SYT1: variants seen among roughly 807,000 people sequenced by gnomAD.
SYT1 encodes the protein synaptotagmin-1.
Under a neutral mutation model 44.8 loss-of-function variants are expected in SYT1, and 8 were observed. That is an observed-to-expected ratio of 0.18 (90% confidence interval 0.10 to 0.32). The LOEUF (loss-of-function observed/expected upper bound fraction) is 0.32. Among genes scored for constraint, SYT1 ranks in the 10% least tolerant of loss-of-function variants. The pLI is 1.00. For synonymous variants in SYT1, 154 were observed against 188.8 expected, an observed-to-expected ratio of 0.82 and a Z score of 1.51; for missense variants, 286 against 509.3, an observed-to-expected ratio of 0.56 and a Z score of 4.22.
At chr12:79,139,867 T>C (rs1175525771) in intron 3 of SYT1, among the ~76,000 whole-genome samples, 2 of 152,208 alleles carry the variant, frequency 1.3e-5, no homozygotes, top group East Asian at 3.9e-4. Flanking sequence ...TAGTCCTCCA[T>C]TACCAAATTG....
At chr12:79,130,935 C>T (rs146555256) in intron 3 of SYT1, among the ~76,000 whole-genome samples, 2 of 152,180 alleles carry the variant, frequency 1.3e-5, no homozygotes, top group East Asian at 3.9e-4. Flanking sequence ...TAGTGATATT[C>T]AATCCAGTTG....
chr12:79,244,861 A>C (rs1229580955), intron 4 of SYT1, among the ~76,000 whole-genome samples: 1 of 151,796 alleles, frequency 6.6e-6, no homozygotes, highest in East Asian at 1.9e-4. Context: ...TGAGATTTCT[A>C]TCTTTAGTTT....
In SYT1 at chr12:79,352,196, C is replaced by CA. The variant is rs398020269; in HGVS notation, c.811-1296dup. 4.9e-3 allele frequency among the ~76,000 whole-genome samples: 631 copies of CA among 128,016 alleles called. 4 individuals carry two copies. The highest frequency in any genetic ancestry group is 0.013 in the African/African-American group (433 of 33,952). 84.0% of individuals were successfully genotyped at this position (128,016 alleles called of 152,430 possible). ...GGATATAATGAATACACCCCCCCCC[C>CA]AAAAAAAAAACGGGGGGGAATTACA... On this transcript the variant is annotated intron_variant, in intron 8 of 10. Coordinates refer to ENST00000261205, the MANE Select transcript of SYT1 (RefSeq NM_005639.3).
At chr12:79,162,202 A>G (rs955059104) in intron 3 of SYT1, among the ~76,000 whole-genome samples, 1 of 152,088 alleles carries the variant, frequency 6.6e-6, no homozygotes, top group Non-Finnish European at 1.5e-5. Context: ...AACTCCATCT[A>G]AAAAGGTGGC....
At chr12:79,093,006 A>G (rs1592742086) in intron 3 of SYT1, among the ~76,000 whole-genome samples, 1 of 151,756 alleles carries the variant, frequency 6.6e-6, no homozygotes, top group East Asian at 1.9e-4. Context: ...ATTTTGGAAT[A>G]CATGTGAATA....
At chr12:79,125,642 A>G (rs967527488) in intron 3 of SYT1, among the ~76,000 whole-genome samples, 2 of 149,158 alleles carry the variant, frequency 1.3e-5, no homozygotes, top group Non-Finnish European at 3.0e-5. Context: ...AAAAAGAAAA[A>G]AAAAGAAAAG....
intron 8 of SYT1, among the ~76,000 whole-genome samples, chr12:79,322,303 C>A (rs1367966153): frequency 6.6e-6 from 1 of 152,126 alleles, no homozygotes; most frequent in Non-Finnish European, 1.5e-5. Flanking sequence ...ACTCATCTAT[C>A]CTCAAATGGA....
At chr12:79,410,028 G>A (rs994668151) in intron 9 of SYT1, among the ~76,000 whole-genome samples, 3 of 151,838 alleles carry the variant, frequency 2.0e-5, no homozygotes, top group Non-Finnish European at 4.4e-5. Context: ...TATCTTCATG[G>A]CCATTTCAAA....
chr12:78,914,721 G>A (rs1841810), intron 1 of SYT1, among the ~76,000 whole-genome samples: 116,164 of 151,918 alleles, frequency 0.76, 44,968 homozygotes, highest in African/African-American at 0.87. Context: ...TTCAGCTTAA[G>A]TGCTATATTA....
intron 3 of SYT1, among the ~76,000 whole-genome samples, chr12:79,048,271 T>A (rs867031100): frequency 2.0e-5 from 3 of 151,666 alleles, no homozygotes; most frequent in Non-Finnish European, 3.0e-5. Context: ...AAAATGTAAG[T>A]TTGATATATA....
chr12:79,225,323 G>A (rs1875454166), intron 4 of SYT1, among the ~76,000 whole-genome samples: 2 of 152,188 alleles, frequency 1.3e-5, no homozygotes, highest in Non-Finnish European at 2.9e-5. Flanking sequence ...CTTTTAAGAA[G>A]TTCAAGTTGA....
chr12:79,358,390 T>C (rs1390835544), intron 9 of SYT1, among the ~76,000 whole-genome samples: 1 of 152,218 alleles, frequency 6.6e-6, no homozygotes, highest in Non-Finnish European at 1.5e-5. Flanking sequence ...TATAGAACAC[T>C]TTCTAATTTA....
chr12:78,964,973 T>G (rs1359640013), intron 1 of SYT1, among the ~76,000 whole-genome samples: 1 of 151,978 alleles, frequency 6.6e-6, no homozygotes, highest in Non-Finnish European at 1.5e-5. Flanking sequence ...AATAATATTT[T>G]ATTATTAACT....
At chr12:79,330,365 C>T (rs1881799925) in intron 8 of SYT1, among the ~76,000 whole-genome samples, 1 of 152,178 alleles carries the variant, frequency 6.6e-6, no homozygotes, top group Non-Finnish European at 1.5e-5. Flanking sequence ...AGATCAGCAC[C>T]TTGTGCTAAC....
At position 79,444,206 on chromosome 12, in the gene SYT1, G is replaced by A. The variant is rs1292534146; in HGVS notation, c.1062G>A (p.Gln354=). The change falls in exon 10 of 11, where the codon CAG becomes CAA. Residue 354 remains glutamine (Q), a splice_region_variant and synonymous_variant. Coordinates refer to ENST00000261205, the MANE Select transcript of SYT1 (RefSeq NM_005639.3). ...FSFEVPFEQI[Q]KVQVVVTVLD... ...TTGAAGTACCTTTTGAACAAATCCA[G>A]GTAATGTCAAACATAACTTTGTCTT... 1 of 1,612,022 alleles carries A rather than the reference G, an allele frequency of 6.2e-7. No homozygotes were observed. Among genetic ancestry groups the A allele is most frequent in the Non-Finnish European group, 8.5e-7 (1 of 1,179,036 alleles).
At chr12:78,899,379 G>T (rs183330665) in intron 1 of SYT1, among the ~76,000 whole-genome samples, 1 of 151,868 alleles carries the variant, frequency 6.6e-6, no homozygotes, top group East Asian at 1.9e-4. Context: ...ATGATGAAAG[G>T]CTACGAACCC....
intron 1 of SYT1, among the ~76,000 whole-genome samples, chr12:78,871,617 C>T (rs117766133): frequency 0.023 from 3,463 of 151,990 alleles, 48 homozygotes; most frequent in Non-Finnish European, 0.035. Flanking sequence ...TATAACAACT[C>T]ATTAAGGGAC....
At position 79,449,086 on chromosome 12, in the gene SYT1, G is replaced by A; in HGVS notation, c.1231G>A (p.Glu411Lys). 6 of 1,613,962 alleles carry A rather than the reference G, an allele frequency of 3.7e-6. No homozygotes were observed. The highest frequency in any genetic ancestry group is 5.1e-6 in the Non-Finnish European group (6 of 1,179,926). The stretch of plus-strand genomic sequence containing the variant: ...TGCCCAGTGGCACACCCTGCAGGTA[G>A]AGGAGGAAGTTGATGCCATGCTGGC... ...PIAQWHTLQVEEEVDAMLAVK... is the reference protein window; with the variant it reads ...PIAQWHTLQVKEEVDAMLAVK... The change falls in exon 11 of 11, where the codon GAG becomes AAG. Residue 411 changes from glutamate to lysine, a missense_variant. By Grantham distance (56) the Glu-to-Lys change is moderately conservative (BLOSUM62 1). Around this residue, in one of 6 missense-constraint regions of SYT1, gnomAD observed 34 missense variants for 59.0 expected, o/e 0.58. Coordinates refer to ENST00000261205, the MANE Select transcript of SYT1 (RefSeq NM_005639.3).
chr12:78,972,600 C>G (rs911650042), intron 1 of SYT1, among the ~76,000 whole-genome samples: 1 of 151,058 alleles, frequency 6.6e-6, no homozygotes, highest in African/African-American at 2.4e-5. Context: ...TGTATTAAAC[C>G]AATTTATATC....
Sources: gnomAD v4.1 joint callset for allele counts (sites outside exome capture counted in the v4.1 genomes callset) on GRCh38, gnomAD v4.1.1 for gene constraint, gnomAD v4.1.1 regional missense constraint, MANE v1.5 for transcripts, NCBI Gene and HGNC (gene_info 2026-07-23, HGNC 2026-07-21) for gene names.